The following RANBP2 variants were observed in gnomAD, a reference collection of about 807,000 sequenced individuals.
The protein encoded by RANBP2 is E3 SUMO-protein ligase RanBP2.
In RANBP2, 57 loss-of-function variants were observed where a neutral mutation model predicts 303.6. That is an observed-to-expected ratio of 0.19 (90% CI 0.15 to 0.23). The LOEUF is 0.23. RANBP2 is among the 10% of genes least tolerant of loss of function. RANBP2 has a pLI of 1.00. For missense variants in RANBP2, 3,138 were observed against 3,780.8 expected, an observed-to-expected ratio of 0.83 and a Z score of 4.46; for synonymous variants, 1,167 against 1,301.5, an observed-to-expected ratio of 0.90 and a Z score of 2.23.
the RANBP2 span, among the ~76,000 whole-genome samples, chr2:108,865,185 T>C: frequency 6.6e-6 from 1 of 152,158 alleles, no homozygotes; most frequent in Non-Finnish European, 1.5e-5. Flanking sequence ...ATCTTGAAGA[T>C]CTTATATAAA....
chr2:109,608,482 T>G, the RANBP2 span, among the ~76,000 whole-genome samples: 3 of 152,224 alleles, frequency 2.0e-5, no homozygotes, highest in Non-Finnish European at 4.4e-5. Flanking sequence ...AATAGCCACA[T>G]TTCTACCTTA....
chr2:108,780,654 C>T (rs1678192115), intron 25 of RANBP2, among the ~76,000 whole-genome samples: 1 of 151,500 alleles, frequency 6.6e-6, no homozygotes, highest in African/African-American at 2.4e-5. Context: ...CTCAGCCTCT[C>T]AAGTAGCTGG....
the RANBP2 span, among the ~76,000 whole-genome samples, chr2:109,297,667 T>C: frequency 2.7e-5 from 4 of 145,750 alleles, no homozygotes; most frequent in Non-Finnish European, 4.5e-5. Flanking sequence ...CCCACCCTGG[T>C]CAGTGCCTTC....
the RANBP2 span, among the ~76,000 whole-genome samples, chr2:109,028,525 T>C: frequency 6.6e-6 from 1 of 152,144 alleles, no homozygotes; most frequent in African/African-American, 2.4e-5. Flanking sequence ...TGACACACTG[T>C]ATTTGAGGGT....
At chr2:109,099,483 A>T in the RANBP2 span, among the ~76,000 whole-genome samples, 1 of 152,164 alleles carries the variant, frequency 6.6e-6, no homozygotes. Flanking sequence ...TAGGAAGGGA[A>T]GTCTAATGGT....
chr2:109,343,468 G>A, the RANBP2 span, among the ~76,000 whole-genome samples: 4 of 152,074 alleles, frequency 2.6e-5, no homozygotes, highest in African/African-American at 9.7e-5. Flanking sequence ...TCTGAGATGG[G>A]GATACAGGGG....
chr2:109,117,625 C>T, the RANBP2 span, among the ~76,000 whole-genome samples: 12 of 152,224 alleles, frequency 7.9e-5, no homozygotes, highest in African/African-American at 2.4e-4. Flanking sequence ...AGCTCGCGCA[C>T]GGTGCGCTGC....
downstream of RANBP2, among the ~76,000 whole-genome samples, chr2:108,786,297 G>A (rs1678696561): frequency 1.6e-5 from 2 of 127,802 alleles, no homozygotes; most frequent in African/African-American, 6.0e-5. Flanking sequence ...GTCTTGCTAT[G>A]TTACCCAAGA....
At chr2:109,317,307 A>G in the RANBP2 span, among the ~76,000 whole-genome samples, 1 of 152,126 alleles carries the variant, frequency 6.6e-6, no homozygotes, top group Non-Finnish European at 1.5e-5. Flanking sequence ...GGCGACAGCA[A>G]TGCCTGTCCC....
the RANBP2 span, among the ~76,000 whole-genome samples, chr2:109,381,977 T>G: frequency 2.0e-5 from 3 of 152,088 alleles, no homozygotes; most frequent in Non-Finnish European, 2.9e-5. Flanking sequence ...ATTTGGCTCT[T>G]TCCATCAACA....
rs1308713096 is a variant in RANBP2, at chr2:108,719,643, G to T, written c.37G>T (p.Ala13Ser). 1.2e-6 allele frequency: 2 copies of T among 1,608,018 alleles called. No individual in the cohort carries two copies. The highest frequency in any genetic ancestry group is 1.3e-5 in the African/African-American group (1 of 74,818). ...RSKADVERYIASVQGSTPSPR... is the reference protein window; with the variant it reads ...RSKADVERYISSVQGSTPSPR... ...CAAGGCTGACGTGGAGCGGTACATC[G>T]CCTCGGTGCAGGGCTCCACCCCGTC... Residue 13 changes from alanine to serine, a missense_variant, in exon 1 of 29, where the codon GCC becomes TCC. Around this residue, in one of 20 missense-constraint regions of RANBP2, gnomAD observed 306 missense variants for 381.9 expected, o/e 0.80. Transcript: ENST00000283195.
the RANBP2 span, among the ~76,000 whole-genome samples, chr2:108,965,458 T>A: frequency 1.2e-5 from 1 of 81,656 alleles, no homozygotes. Flanking sequence ...GAGCGAGATT[T>A]CGTCTCAAAA....
chr2:109,454,953 G>T, the RANBP2 span, among the ~76,000 whole-genome samples: 1 of 152,110 alleles, frequency 6.6e-6, no homozygotes, highest in African/African-American at 2.4e-5. Flanking sequence ...CTCTTTATGG[G>T]TGTGGTAGTT....
the RANBP2 span, chr2:109,614,791 C>G: frequency 6.8e-7 from 1 of 1,474,088 alleles, no homozygotes; most frequent in South Asian, 1.3e-5. Flanking sequence ...CAGGTGACCG[C>G]CGAGCCCGAG....
chr2:108,910,407 C>T, the RANBP2 span: 5 of 1,467,340 alleles, frequency 3.4e-6, no homozygotes, highest in Non-Finnish European at 4.8e-6. Context: ...CCCCTCCCTG[C>T]TCAGGATCCA....
chr2:109,030,067 C>T, the RANBP2 span, among the ~76,000 whole-genome samples: 6 of 152,206 alleles, frequency 3.9e-5, no homozygotes, highest in Non-Finnish European at 7.3e-5. Flanking sequence ...TGACATCATT[C>T]TTTAGAAAGA....
At chr2:108,744,106 G>A (rs1344934017) in intron 7 of RANBP2, among the ~76,000 whole-genome samples, 2 of 152,108 alleles carry the variant, frequency 1.3e-5, no homozygotes, top group African/African-American at 4.8e-5. Flanking sequence ...AAACCTTTTA[G>A]TTAAGATGAG....
At chr2:108,896,544 GACA>G in the RANBP2 span, 1 of 234,040 alleles carries the variant, frequency 4.3e-6, no homozygotes, top group African/African-American at 2.2e-5. Flanking sequence ...ACTCCTTAAA[GACA>G]GGGACCAGAT....
chr2:108,838,216 G>A, the RANBP2 span, among the ~76,000 whole-genome samples: 3 of 152,152 alleles, frequency 2.0e-5, no homozygotes, highest in Non-Finnish European at 4.4e-5. Flanking sequence ...GCATACTCTA[G>A]GCCGAGCACT....
Sources: allele counts gnomAD v4.1 joint callset (sites outside exome capture counted in the v4.1 genomes callset), GRCh38; gene constraint gnomAD v4.1.1; regional missense constraint gnomAD v4.1.1; transcripts MANE v1.5; gene names NCBI Gene and HGNC (gene_info 2026-07-23, HGNC 2026-07-21).